MTSS1: variants seen among roughly 807,000 people sequenced by gnomAD.
MTSS1 encodes protein MTSS 1.
MTSS1 carries 18 observed loss-of-function variants against 79.0 expected under a neutral mutation model. That is an observed-to-expected ratio of 0.23 (90% CI 0.16 to 0.34). The LOEUF (loss-of-function observed/expected upper bound fraction) is 0.34, where lower values mean the gene tolerates loss of function less well. Among genes scored for constraint, MTSS1 ranks in the 10% least tolerant of loss-of-function variants. The probability of loss-of-function intolerance (pLI) is 1.00; values close to 1 mark genes in which losing one functional copy is unlikely to be tolerated. For synonymous variants in MTSS1, 341 were observed against 368.6 expected, an observed-to-expected ratio of 0.93 and a Z score of 0.86; for missense variants, 815 against 986.2, an observed-to-expected ratio of 0.83 and a Z score of 2.33.
At chr8:124,557,188 T>C (rs909876387) in intron 11 of MTSS1, among the ~76,000 whole-genome samples, 1 of 152,188 alleles carries the variant, frequency 6.6e-6, no homozygotes, top group Non-Finnish European at 1.5e-5. Flanking sequence ...TTCAACATGA[T>C]CACCCCAAAC....
At chr8:124,711,496 G>A (rs1334517302) in intron 1 of MTSS1, among the ~76,000 whole-genome samples, 1 of 152,114 alleles carries the variant, frequency 6.6e-6, no homozygotes, top group African/African-American at 2.4e-5. Flanking sequence ...CATGAACAGA[G>A]CCAGCCTCCA....
At chr8:124,568,170 T>C in intron 7 of MTSS1, 4 of 696,132 alleles carry the variant, frequency 5.7e-6, no homozygotes, top group Non-Finnish European at 9.1e-6. Flanking sequence ...TGAGACAAAG[T>C]AACGGGGAAC....
Position 124,667,066 on chromosome 8 carries a change from G to A in MTSS1, c.208+32460C>T, listed in dbSNP as rs143095562. On this transcript the variant is annotated intron_variant, in intron 3 of 13. Transcript: ENST00000518547. Reference sequence around the variant, plus strand: ...AAAAGAAGAACAGATCTAAGAAGCAGGCTGGGATTCAGGTGGAGGGGAGAG... The same window carrying A: ...AAAAGAAGAACAGATCTAAGAAGCAAGCTGGGATTCAGGTGGAGGGGAGAG... 7.6e-4 allele frequency among the ~76,000 whole-genome samples: 116 copies of A among 152,278 alleles called. 1 individual carries two copies. The highest frequency in any genetic ancestry group is 2.7e-3 in the African/African-American group (111 of 41,564).
intron 3 of MTSS1, among the ~76,000 whole-genome samples, chr8:124,647,000 C>A (rs1377955088): frequency 6.6e-6 from 1 of 152,130 alleles, no homozygotes; most frequent in African/African-American, 2.4e-5. Context: ...CATGTGCCAC[C>A]ATACCCAGCT....
At chr8:124,658,828 T>C (rs995533686) in intron 3 of MTSS1, among the ~76,000 whole-genome samples, 1 of 152,110 alleles carries the variant, frequency 6.6e-6, no homozygotes, top group African/African-American at 2.4e-5. Flanking sequence ...GGATTACAAT[T>C]CAACATGAGA....
At position 124,681,937 on chromosome 8, in the gene MTSS1, T is replaced by C. The variant is rs186725243; in HGVS notation, c.208+17589A>G. Among the ~76,000 whole-genome samples, 236 of 152,346 alleles carry C rather than the reference T, an allele frequency of 1.5e-3. 4 individuals are homozygous for C. Among genetic ancestry groups the C allele is most frequent in the Non-Finnish European group, 1.8e-4 (12 of 68,030 alleles). The stretch of plus-strand genomic sequence containing the variant: ...ATAAGCTAACGATTGAAGGCTACTA[T>C]GAACCAGGCACTGAAAGCTCTTTAT... On this transcript the variant is annotated intron_variant, in intron 3 of 13. Transcript: ENST00000518547.
At chr8:124,724,714 G>A (rs1833436006) in intron 1 of MTSS1, among the ~76,000 whole-genome samples, 1 of 152,120 alleles carries the variant, frequency 6.6e-6, no homozygotes, top group Admixed American at 6.5e-5. Context: ...ATCGATGCCG[G>A]TTCAATGACT....
At chr8:124,568,143 G>C in intron 7 of MTSS1, 1 of 676,344 alleles carries the variant, frequency 1.5e-6, no homozygotes, top group Non-Finnish European at 2.3e-6. Flanking sequence ...CCACCCTGCT[G>C]GGCCTTCTTG....
In MTSS1 at chr8:124,589,710, C is replaced by A. The variant is rs181264737; in HGVS notation, c.295G>T (p.Ala99Ser). The A allele has an allele frequency of 5.0e-6, 8 of 1,607,298 alleles. No individual in the cohort carries two copies. Among genetic ancestry groups the A allele is most frequent in the Non-Finnish European group, 2.5e-6 (3 of 1,176,680 alleles). ...GGGTTTATCAGACAATCAATTAAAG[C>A]GCTTTTACCAAGCGGGGGGGAAAAA... is the stretch of plus-strand genomic sequence containing the variant. ...IEAKLRQFSSALIDCLINPLQ... is the reference protein window; with the variant it reads ...IEAKLRQFSSSLIDCLINPLQ... Residue 99 changes from alanine to serine, a missense_variant and splice_region_variant, in exon 5 of 14, where the codon GCT becomes TCT. Ala to Ser is a moderately conservative substitution (Grantham distance 99, BLOSUM62 1). This residue lies in a region of MTSS1 where 225 missense variants were observed against 365.4 expected (regional missense o/e 0.62). Transcript: ENST00000518547.
rs765364267 is a variant in MTSS1 at position 124,553,458 on chromosome 8, C to T, written c.1802G>A (p.Arg601Gln). ...RTPSTKPSVRRGTIGAGPIPI... is the reference protein window; with the variant it reads ...RTPSTKPSVRQGTIGAGPIPI... ...GATGGGACCAGCTCCAATGGTTCCCCGGCGGACAGAAGGCTTGGTGGAAGG... is the reference window on the plus strand; with the variant it reads ...GATGGGACCAGCTCCAATGGTTCCCTGGCGGACAGAAGGCTTGGTGGAAGG... The change falls in exon 14 of 14, where the codon CGG (arginine) becomes CAG (glutamine). Residue 601 changes from arginine (R) to glutamine (Q), a missense_variant. This residue lies in a region of MTSS1 where 590 missense variants were observed against 620.8 expected (regional missense o/e 0.95). Coordinates refer to ENST00000518547, the MANE Select transcript of MTSS1 (RefSeq NM_014751.6). This position sits in a 1 kb window ranked among gnomAD's most constrained non-coding sequence, Gnocchi z 6.0. 1.2e-5 allele frequency: 19 copies of T among 1,608,670 alleles called. No homozygotes were observed. The highest frequency in any genetic ancestry group is 3.3e-5 in the Admixed American group (2 of 59,832).
rs1378409196 is a variant in MTSS1 at position 124,551,123 on chromosome 8, C to T, written c.*1869G>A. The T allele has an allele frequency of 6.6e-6, 1 of 152,544 alleles. No individual in the cohort carries two copies. Among genetic ancestry groups the T allele is most frequent in the East Asian group, 1.9e-4 (1 of 5,194 alleles). The allele number at this position is 152,544 out of a possible 1,614,324, so 9.4% of individuals were successfully genotyped here. On this transcript the variant is annotated 3_prime_UTR_variant, in exon 14 of 14. Coordinates refer to ENST00000518547, the MANE Select transcript of MTSS1 (RefSeq NM_014751.6). ...AAACTAAACAAGTGAAAAGCTGTAC[C>T]AAGGTACAGTTACATCCATTTATTT... is the stretch of plus-strand genomic sequence containing the variant.
chr8:124,666,003 A>G (rs1823002030), intron 3 of MTSS1, among the ~76,000 whole-genome samples: 1 of 152,214 alleles, frequency 6.6e-6, no homozygotes, highest in African/African-American at 2.4e-5. Context: ...TCCATAAAAT[A>G]TTAGACCCTA....
intron 3 of MTSS1, among the ~76,000 whole-genome samples, chr8:124,649,082 C>T (rs4871529): frequency 0.2 from 30,363 of 152,244 alleles, 3,367 homozygotes; most frequent in East Asian, 0.43. Flanking sequence ...TCCATTTAGA[C>T]CAAACCCTAA....
intron 3 of MTSS1, among the ~76,000 whole-genome samples, chr8:124,678,685 G>A (rs992618734): frequency 6.6e-6 from 1 of 152,188 alleles, no homozygotes; most frequent in Non-Finnish European, 1.5e-5. Context: ...AAGGATTATA[G>A]GAGCTACAGT....
At chr8:124,664,133 A>G (rs1822610038) in intron 3 of MTSS1, among the ~76,000 whole-genome samples, 1 of 152,234 alleles carries the variant, frequency 6.6e-6, no homozygotes, top group Non-Finnish European at 1.5e-5. Context: ...GGCAGAAGCC[A>G]GCGCCTGCAG....
At chr8:124,707,392 CAAAAAAAA>C (rs58460546) in intron 1 of MTSS1, among the ~76,000 whole-genome samples, 89 of 144,694 alleles carry the variant, frequency 6.2e-4, no homozygotes, top group South Asian at 9.1e-4. Context: ...ACTAAAAATA[CAAAAAAAA>C]AAACAAACAA....
chr8:124,585,138 T>C lies in MTSS1; in HGVS notation c.409A>G (p.Ile137Val). ...AGCGTATCCGAGGACTTCTTTTTTATCTCTTGGCGGGCTTTCTTATATTCT... is the reference window on the plus strand; with the variant it reads ...AGCGTATCCGAGGACTTCTTTTTTACCTCTTGGCGGGCTTTCTTATATTCT... ...AKEYKKARQE[I>V]KKKSSDTLKL... The change falls in exon 6 of 14, where the codon ATA becomes GTA. Residue 137 changes from isoleucine (I) to valine (V), a missense_variant. Ile to Val is a conservative substitution (Grantham distance 29). This residue lies in a region of MTSS1 where 225 missense variants were observed against 365.4 expected (regional missense o/e 0.62). Transcript: ENST00000518547. 1 of 1,613,748 alleles carries C rather than the reference T, an allele frequency of 6.2e-7. No individual in the cohort carries two copies. The highest frequency in any genetic ancestry group is 8.5e-7 in the Non-Finnish European group (1 of 1,179,934).
At chr8:124,687,363 C>G (rs911287232) in intron 3 of MTSS1, among the ~76,000 whole-genome samples, 1 of 152,144 alleles carries the variant, frequency 6.6e-6, no homozygotes, top group Non-Finnish European at 1.5e-5. Flanking sequence ...GCAGTTCCAG[C>G]ACAAGCAACA....
chr8:124,587,819 T>A (rs1831141590), intron 5 of MTSS1, among the ~76,000 whole-genome samples: 1 of 152,214 alleles, frequency 6.6e-6, no homozygotes, highest in African/African-American at 2.4e-5. Context: ...TTAACTTTTT[T>A]AATATAACTG....
Sources: allele counts gnomAD v4.1 joint callset (sites outside exome capture counted in the v4.1 genomes callset), GRCh38; gene constraint gnomAD v4.1.1; regional missense constraint gnomAD v4.1.1; non-coding constraint Gnocchi (gnomAD v3.1); transcripts MANE v1.5; gene names NCBI Gene and HGNC (gene_info 2026-07-23, HGNC 2026-07-21).